Variants in DLAT observed in about 807,000 individuals in gnomAD.
The protein encoded by DLAT is dihydrolipoamide S-acetyltransferase, also known as dihydrolipoyllysine-residue acetyltransferase component of pyruvate dehydrogenase complex, mitochondrial.
DLAT carries 43 observed loss-of-function variants against 68.0 expected under a neutral mutation model. The observed-to-expected ratio is 0.63, with a 90% CI of 0.50 to 0.81. The LOEUF (loss-of-function observed/expected upper bound fraction) is 0.81. DLAT is among the 40% of genes least tolerant of loss of function. The pLI is 0.00. For synonymous variants in DLAT, 265 were observed against 288.6 expected (o/e 0.92, Z 0.83); for missense variants, 745 against 815.4 (o/e 0.91, Z 1.05).
At chr11:112,059,809 A>G (rs782396072) in intron 11 of DLAT, 94 bp from the exon 12 acceptor site, 60 of 1,173,292 alleles carry the variant, frequency 5.1e-5, no homozygotes, top group Non-Finnish European at 7.0e-5. Flanking sequence ...TGGTTCAAAA[A>G]ATTTTTGAAG....
At chr11:112,038,222 G>A (rs1176517416) in intron 6 of DLAT, among the ~76,000 whole-genome samples, 3 of 151,892 alleles carry the variant, frequency 2.0e-5, no homozygotes, top group African/African-American at 4.8e-5. Context: ...TTGTTGAGAC[G>A]GAGTCTTGCT....
rs782236703 is a variant in DLAT, at chr11:112,037,349, C to G, written c.864C>G (p.Thr288=). 16 of 1,614,032 alleles carry G rather than the reference C, an allele frequency of 9.9e-6. No homozygotes were observed. In the Admixed American group the frequency reaches 2.7e-4, roughly 27 times the overall value. Residue 288 remains threonine, a synonymous_variant, in exon 6 of 14, where the codon ACC becomes ACG. Coordinates refer to ENST00000280346, the MANE Select transcript of DLAT (RefSeq NM_001931.5). ...PEGTRDVPLG[T]PLCIIVEKEA... The stretch of plus-strand genomic sequence containing the variant: ...GCACAAGAGATGTCCCTCTAGGAAC[C>G]CCACTCTGTATCATTGTAGAAAAAG...
chr11:112,054,282 TG>T (rs1863865733), intron 11 of DLAT, among the ~76,000 whole-genome samples: 2 of 152,274 alleles, frequency 1.3e-5, no homozygotes, highest in East Asian at 3.9e-4. Context: ...CACGCGCCAC[TG>T]CACTCCAGCC....
At chr11:112,059,317 C>T (rs587643051) in intron 11 of DLAT, among the ~76,000 whole-genome samples, 20 of 151,098 alleles carry the variant, frequency 1.3e-4, no homozygotes, top group Non-Finnish European at 1.5e-4. Flanking sequence ...ACGATATGTG[C>T]GAAACCAACC....
At chr11:112,060,959 G>A (rs1350138947) in intron 12 of DLAT, 79 bp from the exon 13 acceptor site, 1 of 1,325,692 alleles carries the variant, frequency 7.5e-7, no homozygotes, top group African/African-American at 1.5e-5. Context: ...TTAGCTTAAG[G>A]TCTTTTCACA....
chr11:112,059,245 T>G (rs2846623), intron 11 of DLAT, among the ~76,000 whole-genome samples: 1 of 152,106 alleles, frequency 6.6e-6, no homozygotes, highest in Non-Finnish European at 1.5e-5. Flanking sequence ...GAGTTCTGAT[T>G]GGTGGGGTTT....
At chr11:112,059,149 T>C (rs1566639362) in intron 11 of DLAT, among the ~76,000 whole-genome samples, 1 of 151,984 alleles carries the variant, frequency 6.6e-6, no homozygotes, top group Admixed American at 6.6e-5. Flanking sequence ...TACAATGCAG[T>C]TCTTTCCCTT....
intron 10 of DLAT, among the ~76,000 whole-genome samples, chr11:112,049,967 C>T (rs539460): frequency 0.98 from 149,765 of 152,384 alleles, 73,617 homozygotes; most frequent in East Asian, 1. Flanking sequence ...GTCTTGTTCT[C>T]GATCTTTGGG....
At chr11:112,060,524 G>A (rs940008622) in intron 12 of DLAT, among the ~76,000 whole-genome samples, 2 of 151,966 alleles carry the variant, frequency 1.3e-5, no homozygotes, top group African/African-American at 4.8e-5. Context: ...GTGCAATCTT[G>A]GCTCACTGCA....
At chr11:112,059,833 TCTTG>T (rs1320626423) in intron 11 of DLAT, 66 bp from the exon 12 acceptor site, 1 of 1,352,572 alleles carries the variant, frequency 7.4e-7, no homozygotes, top group African/African-American at 1.5e-5. Flanking sequence ...ATATAAATAT[TCTTG>T]CTTAACCTGG....
intron 11 of DLAT, among the ~76,000 whole-genome samples, chr11:112,055,847 A>ATTTTTTTTTT (rs1566635432): frequency 4.0e-5 from 2 of 49,672 alleles, no homozygotes; most frequent in African/African-American, 1.4e-4. Flanking sequence ...GCATATAGAC[A>ATTTTTTTTTT]CTTTTTTTTT....
At chr11:112,030,276 A>G (rs1486905826) in intron 4 of DLAT, 2 of 561,766 alleles carry the variant, frequency 3.6e-6, no homozygotes, top group Non-Finnish European at 7.1e-6. Context: ...GTCTGCAGAG[A>G]GCTCGATCTT....
At chr11:112,041,136 G>C (rs1566622267) in intron 7 of DLAT, among the ~76,000 whole-genome samples, 1 of 152,146 alleles carries the variant, frequency 6.6e-6, no homozygotes, top group Non-Finnish European at 1.5e-5. Flanking sequence ...TCTGTAGCTG[G>C]AATGCTTGGG....
At chr11:112,045,414 G>A (rs1030155742) in intron 9 of DLAT, among the ~76,000 whole-genome samples, 184 bp downstream of exon 9, 2 of 152,090 alleles carry the variant, frequency 1.3e-5, no homozygotes, top group African/African-American at 2.4e-5. Context: ...AGGGCCAGGC[G>A]CAGTAGCTCA....
Position 112,028,910 on chromosome 11 carries a change from C to A in DLAT, c.625C>A (p.Gln209Lys). The stretch of plus-strand genomic sequence containing the variant: ...TGCTTCGCCACCTACACCTTCTGCT[C>A]AGGCTCCTGGTAGCTCATATCCCCC... ...ATASPPTPSA[Q>K]APGSSYPPHM... The change falls in exon 4 of 14, where the codon CAG (glutamine) becomes AAG (lysine). Residue 209 changes from glutamine (Q) to lysine (K), a missense_variant. Coordinates refer to ENST00000280346, the MANE Select transcript of DLAT (RefSeq NM_001931.5). 3.7e-6 allele frequency: 6 copies of A among 1,614,190 alleles called. No individual in the cohort carries two copies. The highest frequency in any genetic ancestry group is 5.1e-6 in the Non-Finnish European group (6 of 1,180,036).
intron 7 of DLAT, among the ~76,000 whole-genome samples, chr11:112,041,105 A>G (rs1223186454): frequency 1.3e-5 from 2 of 152,200 alleles, no homozygotes; most frequent in African/African-American, 4.8e-5. Context: ...GGAGTATAGC[A>G]TAGTAGTTAA....
chr11:112,034,107 T>C (rs1206967386), intron 5 of DLAT, among the ~76,000 whole-genome samples: 1 of 152,212 alleles, frequency 6.6e-6, no homozygotes, highest in East Asian at 1.9e-4. Context: ...AATCAATCTG[T>C]CAATTCACAG....
chr11:112,062,640 T>A lies in DLAT; in HGVS notation c.*105T>A, dbSNP rs1194679251. ...GTTCTTTTTATTTTAACCAGTTATTTTTATTATTGAGTCTGTCCAGATAAG... is the reference window on the plus strand; with the variant it reads ...GTTCTTTTTATTTTAACCAGTTATTATTATTATTGAGTCTGTCCAGATAAG... On this transcript the variant is annotated 3_prime_UTR_variant, in exon 14 of 14. Coordinates refer to ENST00000280346, the MANE Select transcript of DLAT (RefSeq NM_001931.5). 1 of 1,326,768 alleles carries A rather than the reference T, an allele frequency of 7.5e-7. No homozygotes were observed. Among genetic ancestry groups the A allele is most frequent in the Non-Finnish European group, 1.1e-6 (1 of 950,166 alleles). 82.2% of individuals were successfully genotyped at this position (1,326,768 alleles called of 1,614,324 possible). A position where few individuals can be genotyped will look rare whatever the true frequency, so the allele number is the denominator to read the frequency against.
chr11:112,036,201 G>GTTTTTTGTTTTTTTTTTTTTTTT (rs1862755018), intron 5 of DLAT, among the ~76,000 whole-genome samples: 4 of 36,474 alleles, frequency 1.1e-4, no homozygotes, highest in African/African-American at 3.6e-4. Flanking sequence ...GTGTGTGTGT[G>GTTTTTTGTTTTTTTTTTTTTTTT]TTTTTTTTTT....
Sources: gnomAD v4.1 joint callset for allele counts (sites outside exome capture counted in the v4.1 genomes callset) on GRCh38, gnomAD v4.1.1 for gene constraint, MANE v1.5 for transcripts, NCBI Gene and HGNC (gene_info 2026-07-23, HGNC 2026-07-21) for gene names.